Variants in RBFOX1 observed in about 807,000 individuals in gnomAD.
RBFOX1 encodes RNA binding protein fox-1 homolog 1.
A neutral mutation model predicts 57.7 loss-of-function variants in RBFOX1; 8 were observed. The observed-to-expected ratio is 0.14, with a 90% CI of 0.08 to 0.25. The LOEUF is 0.25. Ranked by LOEUF, RBFOX1 falls within the 10% of genes least tolerant of loss-of-function variation. The pLI is 1.00. For synonymous variants in RBFOX1, 326 were observed against 222.4 expected, an observed-to-expected ratio of 1.47 and a Z score of -4.15; for missense variants, 611 against 548.5, an observed-to-expected ratio of 1.11 and a Z score of -1.14.
chr16:6,396,137 G>A (rs184285967), intron 2 of RBFOX1, among the ~76,000 whole-genome samples: 66 of 150,072 alleles, frequency 4.4e-4, no homozygotes, highest in African/African-American at 1.5e-3. Context: ...AGCTTGTTTT[G>A]GAGTAATCCT....
intron 3 of RBFOX1, among the ~76,000 whole-genome samples, chr16:5,612,002 C>T (rs1346309441): frequency 6.6e-6 from 1 of 151,816 alleles, no homozygotes; most frequent in African/African-American, 2.4e-5. Context: ...GTAGCATGCA[C>T]CTGTGGTCCC....
At chr16:6,010,600 T>G (rs141501517) in intron 4 of RBFOX1, among the ~76,000 whole-genome samples, 1 of 152,174 alleles carries the variant, frequency 6.6e-6, no homozygotes, top group Non-Finnish European at 1.5e-5. Flanking sequence ...AAACGGAGTG[T>G]CCGCTGATTA....
At chr16:6,778,437 A>G (rs1456749640) in intron 3 of RBFOX1, among the ~76,000 whole-genome samples, 1 of 152,136 alleles carries the variant, frequency 6.6e-6, no homozygotes, top group African/African-American at 2.4e-5. Context: ...CAGACATCAC[A>G]CATTTTATCC....
At chr16:5,717,637 T>G (rs1472186407) in intron 3 of RBFOX1, among the ~76,000 whole-genome samples, 1 of 152,242 alleles carries the variant, frequency 6.6e-6, no homozygotes, top group African/African-American at 2.4e-5. Context: ...TCACTTAGAA[T>G]AACTTAGAAT....
At position 6,727,114 on chromosome 16, in the gene RBFOX1, G is replaced by GTA. The variant is rs1261859133; in HGVS notation, c.-16+72465_-16+72466insAT. ...CACACACAGACACACATAAATATAT[G>GTA]TGTGTGTGTGTATATATAAAACATG... On this transcript the variant is annotated intron_variant, in intron 3 of 15. Transcript: ENST00000550418. 9.1e-5 allele frequency among the ~76,000 whole-genome samples: 3 copies of GTA among 33,028 alleles called. 1 individual carries two copies. In the South Asian group the frequency reaches 0.013, roughly 138 times the overall value. The allele number at this position is 33,028 out of a possible 152,430, so 21.7% of individuals were successfully genotyped here. A position where few individuals can be genotyped will look rare whatever the true frequency, so the allele number is the denominator to read the frequency against.
intron 4 of RBFOX1, among the ~76,000 whole-genome samples, chr16:7,182,552 C>A (rs2082929452): frequency 6.6e-6 from 1 of 152,110 alleles, no homozygotes; most frequent in Non-Finnish European, 1.5e-5. Flanking sequence ...AAGGGATAGT[C>A]CTAATACATC....
chr16:6,502,330 C>G (rs925909248), intron 2 of RBFOX1, among the ~76,000 whole-genome samples: 2 of 152,160 alleles, frequency 1.3e-5, no homozygotes, highest in Non-Finnish European at 2.9e-5. Context: ...TTAACTTCAG[C>G]TCTGTGACGT....
intron 2 of RBFOX1, among the ~76,000 whole-genome samples, chr16:6,402,569 G>A (rs1227197378): frequency 6.6e-6 from 1 of 152,116 alleles, no homozygotes; most frequent in South Asian, 2.1e-4. Context: ...GCTTAAGAGT[G>A]TTCAGTTTGT....
intron 1 of RBFOX1, among the ~76,000 whole-genome samples, chr16:6,148,334 GCAAA>G (rs1198228096): frequency 2.6e-5 from 4 of 152,296 alleles, no homozygotes; most frequent in Admixed American, 1.3e-4. Flanking sequence ...CTCAAAATAA[GCAAA>G]CAAACAAACT....
chr16:7,570,054 T>C (rs954382281), intron 5 of RBFOX1, among the ~76,000 whole-genome samples: 2 of 152,134 alleles, frequency 1.3e-5, no homozygotes, highest in African/African-American at 2.4e-5. Flanking sequence ...ATACAAGATT[T>C]CAAAGACATC....
At chr16:6,621,271 C>G (rs1392324157) in intron 2 of RBFOX1, among the ~76,000 whole-genome samples, 2 of 151,998 alleles carry the variant, frequency 1.3e-5, no homozygotes, top group South Asian at 2.1e-4. Context: ...AGTATCTTGG[C>G]TAACACGGTG....
chr16:6,808,694 G>A (rs914104297), intron 3 of RBFOX1, among the ~76,000 whole-genome samples: 1 of 152,102 alleles, frequency 6.6e-6, no homozygotes. Flanking sequence ...GAAGAGTAAT[G>A]CTTCCTCCAA....
chr16:6,532,263 C>G (rs74005264), intron 2 of RBFOX1, among the ~76,000 whole-genome samples: 2,648 of 152,232 alleles, frequency 0.017, 69 homozygotes, highest in African/African-American at 0.06. Flanking sequence ...AATGGGGGAG[C>G]TGTAACTTCT....
At chr16:6,939,449 G>A (rs546186365) in intron 3 of RBFOX1, among the ~76,000 whole-genome samples, 6 of 150,956 alleles carry the variant, frequency 4.0e-5, no homozygotes, top group Non-Finnish European at 8.8e-5. Flanking sequence ...TTTTTATCTG[G>A]GTTAATGAAT....
chr16:5,618,787 G>T (rs1221503267), intron 3 of RBFOX1, among the ~76,000 whole-genome samples: 2 of 152,240 alleles, frequency 1.3e-5, no homozygotes, highest in African/African-American at 4.8e-5. Flanking sequence ...TTCTGTTGGA[G>T]AGTTTGCTTT....
rs554841013 is a variant in RBFOX1, at chr16:6,512,726, G to A, written c.-63-141877G>A. 9.9e-5 allele frequency among the ~76,000 whole-genome samples: 15 copies of A among 152,252 alleles called. No individual in the cohort carries two copies. The South Asian group carries it at 1.0e-3, about 11-fold the overall frequency. On this transcript the variant is annotated intron_variant, in intron 2 of 15. Transcript: ENST00000550418. ...TGTCTTGTGTTTTGGAGACCGTGAC[G>A]TCACTGTCTTGTTTCTGTGGCCACA...
chr16:5,269,400 C>G (rs2062947279), intron 1 of RBFOX1, among the ~76,000 whole-genome samples: 1 of 152,246 alleles, frequency 6.6e-6, no homozygotes, highest in Admixed American at 6.5e-5. Context: ...AGCACAGGTC[C>G]ACACAAAAAC....
chr16:6,672,874 C>A (rs905417071), intron 3 of RBFOX1, among the ~76,000 whole-genome samples: 2 of 152,130 alleles, frequency 1.3e-5, no homozygotes, highest in African/African-American at 2.4e-5. Flanking sequence ...GTCACTTGCC[C>A]CCTTTCCCAA....
chr16:5,316,082 C>T (rs886605969), intron 1 of RBFOX1, among the ~76,000 whole-genome samples: 6 of 152,194 alleles, frequency 3.9e-5, no homozygotes, highest in Admixed American at 6.5e-5. Flanking sequence ...GCTGCTTTTC[C>T]GCTCCCAGCA....
Sources: gnomAD v4.1 joint callset for allele counts (sites outside exome capture counted in the v4.1 genomes callset) on GRCh38, gnomAD v4.1.1 for gene constraint, MANE v1.5 for transcripts, NCBI Gene and HGNC (gene_info 2026-07-23, HGNC 2026-07-21) for gene names.